PSMG2: variants seen among roughly 807,000 people sequenced by gnomAD.
The protein encoded by PSMG2 is CD40 ligand-activated specific transcript 3.
Under a neutral mutation model 31.5 loss-of-function variants are expected in PSMG2, and 21 were observed. That is an observed-to-expected ratio of 0.67 (90% CI 0.47 to 0.96). The LOEUF (loss-of-function observed/expected upper bound fraction) is 0.96. Among genes scored for constraint, PSMG2 ranks in the 40% least tolerant of loss-of-function variants. The pLI, the probability that PSMG2 is intolerant of heterozygous loss-of-function variation, is 0.00. For synonymous variants in PSMG2, 120 were observed against 110.4 expected (o/e 1.09, Z -0.54); for missense variants, 318 against 321.2 (o/e 0.99, Z 0.08).
chr18:12,720,105 G>C (rs1278865146), intron 4 of PSMG2, among the ~76,000 whole-genome samples: 1 of 152,150 alleles, frequency 6.6e-6, no homozygotes. Flanking sequence ...GGAGTGCAGT[G>C]GCACAGTCTT....
At chr18:12,694,761 G>A (rs1174450761) in intron 1 of PSMG2, among the ~76,000 whole-genome samples, 1 of 151,148 alleles carries the variant, frequency 6.6e-6, no homozygotes, top group Non-Finnish European at 1.5e-5. Flanking sequence ...GCCCAGGCTG[G>A]AGTGCACTGG....
Position 12,725,427 on chromosome 18 carries a change from C to G in PSMG2, c.703-12C>G, listed in dbSNP as rs1375945025. On this transcript the variant is annotated splice_polypyrimidine_tract_variant and intron_variant, in intron 6 of 6. Transcript: ENST00000317615. ...AGTTTAAAGATTAAAATATTTTGTT[C>G]TTCAATTACAGAGCGATGACCCCAC... 2 of 1,537,896 alleles carry G rather than the reference C, an allele frequency of 1.3e-6. No individual in the cohort carries two copies. The highest frequency in any genetic ancestry group is 1.8e-6 in the Non-Finnish European group (2 of 1,119,720).
rs576420501 is a variant in PSMG2 at position 12,721,286 on chromosome 18, A to G, written c.581+603A>G. On this transcript the variant is annotated intron_variant, in intron 5 of 6. Coordinates refer to ENST00000317615, the MANE Select transcript of PSMG2 (RefSeq NM_020232.5). ...TAGAAGAACTGGTTTCTCAAAAGCC[A>G]TATTTAATGCTTTTATTTTGTGTGA... Among the ~76,000 whole-genome samples, 7 of 152,374 alleles carry G rather than the reference A, an allele frequency of 4.6e-5. No homozygotes were observed. The South Asian group carries it at 1.2e-3, about 27-fold the overall frequency.
intron 3 of PSMG2, among the ~76,000 whole-genome samples, chr18:12,717,406 AC>A (rs1475448561): frequency 6.6e-6 from 1 of 152,198 alleles, no homozygotes; most frequent in Admixed American, 6.5e-5. Flanking sequence ...AAATTTTATA[AC>A]CCACATTCCA....
chr18:12,689,131 TCTTTA>T (rs372130602), intron 1 of PSMG2, among the ~76,000 whole-genome samples: 227 of 152,204 alleles, frequency 1.5e-3, no homozygotes, highest in African/African-American at 5.1e-3. Context: ...AAAAAAAAGT[TCTTTA>T]CTTTACTTTC....
At chr18:12,697,500 C>CCACAGTCAGACTGGTCACTCCA in intron 1 of PSMG2, 1 of 885,910 alleles carries the variant, frequency 1.1e-6, no homozygotes, top group Non-Finnish European at 1.6e-6. Flanking sequence ...AAATAATAAG[C>CCACAGTCAGACTGGTCACTCCA]TTATATAAAA....
At chr18:12,702,970 C>T (rs536774037), upstream of PSMG2, 186 of 1,000,614 alleles carry the variant, frequency 1.9e-4, no homozygotes, top group Non-Finnish European at 1.5e-4. Context: ...CTGGACGGGC[C>T]TCAAGGGCCC....
chr18:12,687,770 T>C (rs2039595562), intron 1 of PSMG2, among the ~76,000 whole-genome samples: 1 of 151,880 alleles, frequency 6.6e-6, no homozygotes, highest in Non-Finnish European at 1.5e-5. Flanking sequence ...CACCGATTTT[T>C]AAAACAGAGG....
intron 1 of PSMG2, chr18:12,695,108 C>A: frequency 2.3e-6 from 1 of 438,282 alleles, no homozygotes; most frequent in Non-Finnish European, 4.1e-6. Context: ...TATTTTCTTC[C>A]TCATCCTTTT....
chr18:12,692,791 T>C (rs1188905687), intron 1 of PSMG2, among the ~76,000 whole-genome samples: 2 of 152,202 alleles, frequency 1.3e-5, no homozygotes, highest in Non-Finnish European at 2.9e-5. Context: ...CTAGCACATT[T>C]TGACATCTAT....
chr18:12,713,016 A>G (rs2040345897), intron 3 of PSMG2, among the ~76,000 whole-genome samples: 1 of 152,212 alleles, frequency 6.6e-6, no homozygotes, highest in South Asian at 2.1e-4. Context: ...ATGTAAGCAT[A>G]TTAATATTAG....
upstream of PSMG2, chr18:12,701,022 A>G: frequency 6.2e-7 from 1 of 1,614,010 alleles, no homozygotes; most frequent in Non-Finnish European, 8.5e-7. Context: ...GGCTTTGATC[A>G]AATCTTCTGT....
At chr18:12,699,268 T>C (rs571148427), upstream of PSMG2, 2 of 1,165,192 alleles carry the variant, frequency 1.7e-6, no homozygotes, top group East Asian at 2.4e-5. Flanking sequence ...GATCAAGACA[T>C]TAGGAAATAA....
intron 1 of PSMG2, chr18:12,697,351 T>C: frequency 6.2e-7 from 1 of 1,613,798 alleles, no homozygotes; most frequent in Non-Finnish European, 8.5e-7. Flanking sequence ...TAGCACCATA[T>C]GAATTGGATC....
Position 12,686,344 on chromosome 18 carries a change from C to G in PSMG2, c.-36-20206C>G, listed in dbSNP as rs1447344612. On this transcript the variant is annotated intron_variant, in intron 1 of 6. Coordinates refer to the PSMG2 transcript ENST00000585331. ...TCCAATAACAGGGGCTCGTTCATAACCAAGGACATTAACAAATCTTGCTGC... is the reference window on the plus strand; with the variant it reads ...TCCAATAACAGGGGCTCGTTCATAAGCAAGGACATTAACAAATCTTGCTGC... The G allele has an allele frequency of 1.2e-6, 2 of 1,614,130 alleles. No individual in the cohort carries two copies. The highest frequency in any genetic ancestry group is 1.7e-6 in the Non-Finnish European group (2 of 1,180,014).
In PSMG2 at chr18:12,687,713, A is replaced by G. The variant is rs149762734; in HGVS notation, c.-36-18837A>G. Reference sequence around the variant, plus strand: ...AGTGATCCGCCCACCTCGACCTCCCAAAGTGCTGGTATTACAGGTGTGAGC... The same window carrying G: ...AGTGATCCGCCCACCTCGACCTCCCGAAGTGCTGGTATTACAGGTGTGAGC... On this transcript the variant is annotated intron_variant, in intron 1 of 6. Transcript: ENST00000585331. Among the ~76,000 whole-genome samples the G allele has an allele frequency of 1.3e-3, 196 of 151,744 alleles. 3 individuals are homozygous for G. In the East Asian group the frequency reaches 0.032, roughly 25 times the overall value.
At chr18:12,714,186 T>A (rs1216881559) in intron 3 of PSMG2, among the ~76,000 whole-genome samples, 1 of 152,222 alleles carries the variant, frequency 6.6e-6, no homozygotes, top group Non-Finnish European at 1.5e-5. Flanking sequence ...ATTTACAGTT[T>A]AATTCATAAA....
Position 12,713,401 on chromosome 18 carries a change from G to A in PSMG2, c.288+641G>A, listed in dbSNP as rs545174802. ...ATTGACTCCCAAGGAGACAGGAGTCGACCTCAAATCTGCCTCCCTGTGCTG... is the reference window on the plus strand; with the variant it reads ...ATTGACTCCCAAGGAGACAGGAGTCAACCTCAAATCTGCCTCCCTGTGCTG... On this transcript the variant is annotated intron_variant, in intron 3 of 6. Coordinates refer to ENST00000317615, the MANE Select transcript of PSMG2 (RefSeq NM_020232.5). Among the ~76,000 whole-genome samples the A allele has an allele frequency of 2.0e-5, 3 of 152,102 alleles. No homozygotes were observed. The East Asian group carries it at 5.8e-4, about 29-fold the overall frequency.
chr18:12,706,738 C>G lies in PSMG2; in HGVS notation c.229+17C>G. 6.4e-7 allele frequency: 1 copy of G among 1,571,638 alleles called. No homozygotes were observed. Among genetic ancestry groups the G allele is most frequent in the South Asian group, 1.2e-5 (1 of 86,018 alleles). ...ATGCTGAAGGTATGTAAGACTTTAC[C>G]TTGTATTTTTCCACTACAAAGTAGA... On this transcript the variant is annotated intron_variant, in intron 2 of 6. Coordinates refer to ENST00000317615, the MANE Select transcript of PSMG2 (RefSeq NM_020232.5).
Sources: allele counts gnomAD v4.1 joint callset (sites outside exome capture counted in the v4.1 genomes callset), GRCh38; gene constraint gnomAD v4.1.1; transcripts MANE v1.5; gene names NCBI Gene and HGNC (gene_info 2026-07-23, HGNC 2026-07-21).